The following RYR2 variants were observed in gnomAD, a reference collection of about 807,000 sequenced individuals.
RYR2 encodes ryanodine receptor 2, also known as cardiac muscle ryanodine receptor-calcium release channel.
RYR2 carries 227 observed loss-of-function variants against 601.1 expected under a neutral mutation model. The observed-to-expected ratio is 0.38, with a 90% confidence interval of 0.34 to 0.42. The LOEUF is 0.42. Ranked by LOEUF, RYR2 falls within the 10% of genes least tolerant of loss-of-function variation. The probability of loss-of-function intolerance (pLI) is 1.00; values close to 1 mark genes in which losing one functional copy is unlikely to be tolerated. For synonymous variants in RYR2, 2,223 were observed against 2,175.1 expected (o/e 1.02, Z -0.61); for missense variants, 4,646 against 6,156.5 (o/e 0.75, Z 8.21).
chr1:237,595,404 CTTGCGCAGCATAA>C, intron 33 of RYR2, 81 bp from the exon 34 acceptor site: 1 of 1,438,426 alleles, frequency 7.0e-7, no homozygotes, highest in Non-Finnish European at 9.4e-7. Flanking sequence ...GAGCTTGTTG[CTTGCGCAGCATAA>C]TTTAGTTAGT....
intron 10 of RYR2, among the ~76,000 whole-genome samples, chr1:237,392,667 A>G (rs1361608444): frequency 6.6e-6 from 1 of 151,730 alleles, no homozygotes; most frequent in Admixed American, 6.6e-5. Flanking sequence ...TTATGTGCAC[A>G]TAGACTTATT....
At chr1:237,197,934 A>G (rs1319399836) in intron 1 of RYR2, among the ~76,000 whole-genome samples, 2 of 152,180 alleles carry the variant, frequency 1.3e-5, no homozygotes, top group Non-Finnish European at 2.9e-5. Flanking sequence ...CTGGTTTGAA[A>G]AAGCAGCTGA....
chr1:237,827,549 G>A (rs1191495051), intron 101 of RYR2, among the ~76,000 whole-genome samples: 1 of 150,386 alleles, frequency 6.6e-6, no homozygotes, highest in Non-Finnish European at 1.5e-5. Flanking sequence ...AGGATCGCTT[G>A]AGCCCAGGAG....
chr1:237,127,879 G>A (rs1358187434), intron 1 of RYR2, among the ~76,000 whole-genome samples: 1 of 151,590 alleles, frequency 6.6e-6, no homozygotes, highest in Non-Finnish European at 1.5e-5. Context: ...CGGCCGGGCG[G>A]AGACGCTCCT....
chr1:237,320,210 C>A (rs1025367232), intron 2 of RYR2, among the ~76,000 whole-genome samples: 19 of 152,220 alleles, frequency 1.2e-4, no homozygotes, highest in Admixed American at 2.6e-4. Context: ...GATTTGCCAA[C>A]CTTCTCACTT....
intron 2 of RYR2, among the ~76,000 whole-genome samples, chr1:237,300,800 G>A (rs891138108): frequency 6.6e-6 from 1 of 152,130 alleles, no homozygotes; most frequent in Non-Finnish European, 1.5e-5. Context: ...GTCCGAGTTT[G>A]CTAGGGGATT....
chr1:237,748,066 C>G (rs1692229707), intron 80 of RYR2, among the ~76,000 whole-genome samples: 1 of 152,012 alleles, frequency 6.6e-6, no homozygotes, highest in Admixed American at 6.6e-5. Context: ...GCTCAGATTT[C>G]CTGGAAAACA....
intron 57 of RYR2, among the ~76,000 whole-genome samples, 166 bp from the exon 58 acceptor site, chr1:237,667,717 A>G (rs1266598452): frequency 6.6e-6 from 1 of 152,196 alleles, no homozygotes; most frequent in East Asian, 1.9e-4. Context: ...AATCCTTACA[A>G]TTCTCTGGGA....
Position 237,382,163 on chromosome 1 carries a change from A to G in RYR2, c.576+4728A>G, listed in dbSNP as rs1389286999. ...GTTTGCACTGGAAATGTAGATTTCC[A>G]ACTGATTTTCTACTGATCAGGTTAC... is the stretch of plus-strand genomic sequence containing the variant. On this transcript the variant is annotated intron_variant, in intron 8 of 104. Coordinates refer to ENST00000366574, the MANE Select transcript of RYR2 (RefSeq NM_001035.3). Among the ~76,000 whole-genome samples, 8 of 152,324 alleles carry G rather than the reference A, an allele frequency of 5.3e-5. No individual in the cohort carries two copies. In the East Asian group the frequency reaches 1.5e-3, roughly 29 times the overall value.
chr1:237,116,546 T>C lies in RYR2; in HGVS notation c.48+73977T>C, dbSNP rs529046562. On this transcript the variant is annotated intron_variant, in intron 1 of 104. Coordinates refer to ENST00000366574, the MANE Select transcript of RYR2 (RefSeq NM_001035.3). ...ATATATTTATACACATGTACACACA[T>C]ATATACATACACATACACATATATA... Among the ~76,000 whole-genome samples, 14 of 150,870 alleles carry C rather than the reference T, an allele frequency of 9.3e-5. No homozygotes were observed. In the South Asian group the frequency reaches 2.7e-3, roughly 29 times the overall value.
At chr1:237,469,275 A>C (rs1269358101) in intron 17 of RYR2, 88 bp downstream of exon 17, 13 of 785,984 alleles carry the variant, frequency 1.7e-5, no homozygotes, top group South Asian at 6.0e-5. Flanking sequence ...AAAAAAAAAA[A>C]AAAACAACTT....
chr1:237,771,275 G>C (rs1694251299), intron 85 of RYR2, among the ~76,000 whole-genome samples: 1 of 151,830 alleles, frequency 6.6e-6, no homozygotes, highest in Non-Finnish European at 1.5e-5. Flanking sequence ...TCCAGACATG[G>C]TGGTGCGTGC....
chr1:237,468,614 C>G (rs945717550), intron 16 of RYR2, among the ~76,000 whole-genome samples: 1 of 152,212 alleles, frequency 6.6e-6, no homozygotes, highest in African/African-American at 2.4e-5. Context: ...AGTTATATCT[C>G]TCTGTATACC....
chr1:237,504,757 T>C (rs1572631297), intron 22 of RYR2, among the ~76,000 whole-genome samples: 1 of 152,194 alleles, frequency 6.6e-6, no homozygotes, highest in African/African-American at 2.4e-5. Flanking sequence ...GATCTTAGAG[T>C]GTAGTTCTTA....
At chr1:237,625,387 CT>C (rs1396378609) in intron 39 of RYR2, among the ~76,000 whole-genome samples, 2 of 152,036 alleles carry the variant, frequency 1.3e-5, no homozygotes, top group Non-Finnish European at 2.9e-5. Flanking sequence ...ATCTTTGCCC[CT>C]AAGAGAGTCT....
At chr1:237,765,461 C>G (rs73101994) in intron 84 of RYR2, among the ~76,000 whole-genome samples, 147 of 152,292 alleles carry the variant, frequency 9.7e-4, no homozygotes, top group African/African-American at 3.4e-3. Flanking sequence ...CCCCACCTTT[C>G]TATCTGTATC....
At chr1:237,308,898 G>T (rs1273313123) in intron 2 of RYR2, among the ~76,000 whole-genome samples, 1 of 152,200 alleles carries the variant, frequency 6.6e-6, no homozygotes, top group Non-Finnish European at 1.5e-5. Context: ...CTGTCTTATA[G>T]AGAGCTGATT....
chr1:237,235,776 G>A (rs1269958817), intron 1 of RYR2, among the ~76,000 whole-genome samples: 1 of 152,162 alleles, frequency 6.6e-6, no homozygotes, highest in Non-Finnish European at 1.5e-5. Context: ...CATCCTTTAA[G>A]GCTAGGAACT....
At chr1:237,456,191 A>T (rs1030153856) in intron 15 of RYR2, among the ~76,000 whole-genome samples, 1 of 152,210 alleles carries the variant, frequency 6.6e-6, no homozygotes, top group Non-Finnish European at 1.5e-5. Context: ...GCAAAAATGC[A>T]TTACAGCATT....
Sources: gnomAD v4.1 joint callset for allele counts (sites outside exome capture counted in the v4.1 genomes callset) on GRCh38, gnomAD v4.1.1 for gene constraint, MANE v1.5 for transcripts, NCBI Gene and HGNC (gene_info 2026-07-23, HGNC 2026-07-21) for gene names.